CFAP77: variants seen among roughly 807,000 people sequenced by gnomAD.
The protein encoded by CFAP77 is cilia- and flagella-associated protein 77.
A neutral mutation model predicts 31.1 loss-of-function variants in CFAP77; 25 were observed. The ratio of observed to expected loss-of-function variants is 0.80; its 90% CI spans 0.59 to 1.12. The LOEUF is 1.12. Among genes scored for constraint, CFAP77 ranks in the 50% most tolerant of loss-of-function variants. CFAP77 has a pLI of 0.00. For missense variants in CFAP77, 377 were observed against 397.3 expected (o/e 0.95, Z 0.44); for synonymous variants, 151 against 159.9 (o/e 0.94, Z 0.42).
chr9:132,530,863 A>AT (rs1176771736), intron 3 of CFAP77, among the ~76,000 whole-genome samples: 1 of 151,960 alleles, frequency 6.6e-6, no homozygotes. Context: ...GATCCCAAAC[A>AT]TTTTCTCCTA....
chr9:132,445,868 CAA>C (rs559749361), intron 1 of CFAP77, among the ~76,000 whole-genome samples: 18 of 64,350 alleles, frequency 2.8e-4, no homozygotes, highest in Non-Finnish European at 4.0e-4. Flanking sequence ...GACTCGATCT[CAA>C]AAAAAAAAAA....
chr9:132,442,718 T>A (rs1030314574), intron 1 of CFAP77, among the ~76,000 whole-genome samples: 2 of 152,156 alleles, frequency 1.3e-5, no homozygotes, highest in African/African-American at 4.8e-5. Context: ...ATGTACTTAT[T>A]TTTTGTAGAG....
chr9:132,413,459 T>G (rs1333652339), intron 1 of CFAP77, among the ~76,000 whole-genome samples: 1 of 152,228 alleles, frequency 6.6e-6, no homozygotes, highest in Non-Finnish European at 1.5e-5. Context: ...GGGTTTCAAC[T>G]CTAGTATAGA....
chr9:132,460,588 G>T (rs141279656), intron 1 of CFAP77, among the ~76,000 whole-genome samples: 1 of 152,248 alleles, frequency 6.6e-6, no homozygotes, highest in African/African-American at 2.4e-5. Context: ...GGATCAAATA[G>T]ACCAGTGGCT....
chr9:132,438,729 T>A (rs1249834802), intron 1 of CFAP77, among the ~76,000 whole-genome samples: 1 of 150,786 alleles, frequency 6.6e-6, no homozygotes, highest in Non-Finnish European at 1.5e-5. Flanking sequence ...GAGATGAGGT[T>A]TCACCATGTT....
chr9:132,473,832 C>T (rs1589871755), intron 1 of CFAP77, among the ~76,000 whole-genome samples: 1 of 152,146 alleles, frequency 6.6e-6, no homozygotes, highest in African/African-American at 2.4e-5. Flanking sequence ...TACAGGCGTG[C>T]ACCACCACGC....
intron 3 of CFAP77, among the ~76,000 whole-genome samples, chr9:132,524,436 C>CT (rs962272240): frequency 6.6e-6 from 1 of 150,784 alleles, no homozygotes; most frequent in African/African-American, 2.4e-5. Context: ...CCTGTCTCTA[C>CT]TAAAAAAAAA....
chr9:132,449,106 T>A (rs1850776956), intron 1 of CFAP77, among the ~76,000 whole-genome samples: 1 of 152,236 alleles, frequency 6.6e-6, no homozygotes, highest in Non-Finnish European at 1.5e-5. Flanking sequence ...TTTACAAATT[T>A]CCTTTATGGT....
chr9:132,524,473 C>T (rs1852320591), intron 3 of CFAP77, among the ~76,000 whole-genome samples: 1 of 151,562 alleles, frequency 6.6e-6, no homozygotes, highest in African/African-American at 2.4e-5. Context: ...ATTAGCCAGG[C>T]GTGGCAGCGT....
At chr9:132,547,430 C>A (rs1852750567) in intron 5 of CFAP77, among the ~76,000 whole-genome samples, 1 of 152,248 alleles carries the variant, frequency 6.6e-6, no homozygotes, top group Admixed American at 6.5e-5. Context: ...TAAGTGGCAG[C>A]TCCATGAGGA....
At chr9:132,492,692 T>C (rs541734638) in intron 1 of CFAP77, among the ~76,000 whole-genome samples, 53 of 152,288 alleles carry the variant, frequency 3.5e-4, no homozygotes, top group African/African-American at 1.2e-3. Context: ...GTTTTATGAA[T>C]CGGCAGTAAC....
At chr9:132,450,525 T>C (rs1402679457) in intron 1 of CFAP77, among the ~76,000 whole-genome samples, 2 of 152,180 alleles carry the variant, frequency 1.3e-5, no homozygotes, top group African/African-American at 4.8e-5. Context: ...GTGAGATAGG[T>C]CCTCCTATTA....
At chr9:132,429,102 C>T (rs1465860689) in intron 1 of CFAP77, among the ~76,000 whole-genome samples, 1 of 150,282 alleles carries the variant, frequency 6.7e-6, no homozygotes, top group Admixed American at 6.6e-5. Flanking sequence ...TTTTTATTTG[C>T]CATTTCCTAA....
At chr9:132,519,508 G>GGGTGGGTCGGTGGGTGGATGGATGGA (rs1564238060) in intron 3 of CFAP77, among the ~76,000 whole-genome samples, 8 of 8,902 alleles carry the variant, frequency 9.0e-4, no homozygotes, top group Non-Finnish European at 1.8e-3. Flanking sequence ...GCATGGATGG[G>GGGTGGGTCGGTGGGTGGATGGATGGA]TGGGTGGGTG....
At chr9:132,426,501 A>AC (rs1850317454) in intron 1 of CFAP77, among the ~76,000 whole-genome samples, 1 of 39,172 alleles carries the variant, frequency 2.6e-5, no homozygotes, top group Non-Finnish European at 4.8e-5. Context: ...GTTTCCCGCC[A>AC]GTTATTAAAA....
rs1482113049 is a variant in CFAP77, at chr9:132,573,131, CTT to C, written c.*623_*624del. ...AGTTGGACTCCTCCCCCAGGACTGA[CTT>C]TGGAAGGTCAACCCACTCTGGAAAA... On this transcript the variant is annotated 3_prime_UTR_variant, in exon 6 of 6. Coordinates refer to ENST00000393216, the MANE Select transcript of CFAP77 (RefSeq NM_001282957.2). The C allele has an allele frequency of 6.6e-6, 1 of 152,334 alleles. No homozygotes were observed. The highest frequency in any genetic ancestry group is 2.4e-5 in the African/African-American group (1 of 41,442). 9.4% of individuals were successfully genotyped at this position (152,334 alleles called of 1,614,324 possible). A position where few individuals can be genotyped will look rare whatever the true frequency, so the allele number is the denominator to read the frequency against.
intron 1 of CFAP77, among the ~76,000 whole-genome samples, chr9:132,458,357 G>GGGGGGTGGGGGGT (rs139008147): frequency 1.7e-5 from 2 of 119,040 alleles, no homozygotes; most frequent in Non-Finnish European, 3.5e-5. Context: ...GAGGGGGGGG[G>GGGGGGTGGGGGGT]GTGTGTATGG....
intron 3 of CFAP77, among the ~76,000 whole-genome samples, chr9:132,507,458 C>T (rs896300119): frequency 1.3e-5 from 2 of 152,172 alleles, no homozygotes; most frequent in African/African-American, 4.8e-5. Flanking sequence ...TGCTGCTGGC[C>T]CAGCCTTCTG....
chr9:132,437,942 G>C (rs1355033123), intron 1 of CFAP77, among the ~76,000 whole-genome samples: 2 of 151,054 alleles, frequency 1.3e-5, no homozygotes, highest in African/African-American at 4.9e-5. Context: ...AGGCGCAGTG[G>C]CTCACTCCTG....
Sources: gnomAD v4.1 joint callset for allele counts (sites outside exome capture counted in the v4.1 genomes callset) on GRCh38, gnomAD v4.1.1 for gene constraint, MANE v1.5 for transcripts, NCBI Gene and HGNC (gene_info 2026-07-23, HGNC 2026-07-21) for gene names.